MSL2: variants seen among roughly 807,000 people sequenced by gnomAD.
MSL2 encodes E3 ubiquitin-protein ligase MSL2.
A neutral mutation model predicts 35.8 loss-of-function variants in MSL2; 2 were observed. The observed-to-expected ratio is 0.06, with a 90% confidence interval of 0.02 to 0.18. The LOEUF is 0.18. Among genes scored for constraint, MSL2 ranks in the 10% least tolerant of loss-of-function variants. MSL2 has a pLI of 1.00. For missense variants in MSL2, 523 were observed against 706.7 expected (o/e 0.74, Z 2.95); for synonymous variants, 296 against 255.7 (o/e 1.16, Z -1.50).
intron 1 of MSL2, among the ~76,000 whole-genome samples, chr3:136,160,744 C>A (rs965060056): frequency 1.1e-4 from 17 of 150,956 alleles, no homozygotes; most frequent in Non-Finnish European, 2.1e-4. Context: ...GGTAAAATGA[C>A]AATATAATTT....
chr3:136,159,744 C>G (rs1939648099), intron 1 of MSL2, among the ~76,000 whole-genome samples: 1 of 151,908 alleles, frequency 6.6e-6, no homozygotes, highest in Non-Finnish European at 1.5e-5. Flanking sequence ...CAAACTTATA[C>G]CCTTACCTCA....
chr3:136,155,639 G>T, intron 1 of MSL2: 1 of 398,024 alleles, frequency 2.5e-6, no homozygotes. Context: ...AACCTGTGCC[G>T]CCCATGGGGA....
intron 1 of MSL2, among the ~76,000 whole-genome samples, chr3:136,169,001 A>G (rs1333712310): frequency 1.3e-5 from 2 of 152,126 alleles, no homozygotes; most frequent in Non-Finnish European, 2.9e-5. Context: ...GTTGCCAGCC[A>G]TATCACACGG....
chr3:136,160,174 T>C (rs994632484), intron 1 of MSL2, among the ~76,000 whole-genome samples: 8 of 140,138 alleles, frequency 5.7e-5, no homozygotes, highest in African/African-American at 2.1e-4. Flanking sequence ...TACTCAGGAG[T>C]CTGGGGCAGG....
intron 1 of MSL2, among the ~76,000 whole-genome samples, chr3:136,180,783 AGGGAGGGAGGGAG>A (rs1940323693): frequency 2.1e-5 from 1 of 48,178 alleles, no homozygotes; most frequent in Non-Finnish European, 4.0e-5. Flanking sequence ...GGAGGGAGGG[AGGGAGGGAGGGAG>A]GGAGGGAGGG....
At chr3:136,162,289 AGAG>A (rs1247883082) in intron 1 of MSL2, among the ~76,000 whole-genome samples, 182 of 151,186 alleles carry the variant, frequency 1.2e-3, no homozygotes, top group African/African-American at 4.1e-3. Flanking sequence ...AAAAAAAAAA[AGAG>A]GGCTACCAGG....
intron 1 of MSL2, among the ~76,000 whole-genome samples, chr3:136,169,293 C>CAT (rs1039994577): frequency 4.0e-5 from 5 of 125,230 alleles, no homozygotes; most frequent in Non-Finnish European, 6.2e-5. Flanking sequence ...AATTTTTGTG[C>CAT]ATATGTATGG....
At chr3:136,187,246 AATGTT>A (rs1332247186) in intron 1 of MSL2, among the ~76,000 whole-genome samples, 84 of 152,306 alleles carry the variant, frequency 5.5e-4, no homozygotes, top group African/African-American at 1.9e-3. Flanking sequence ...TTCAAATTAA[AATGTT>A]ATGATAACCG....
intron 1 of MSL2, among the ~76,000 whole-genome samples, chr3:136,165,009 G>A (rs1049674645): frequency 6.6e-6 from 1 of 151,962 alleles, no homozygotes; most frequent in Admixed American, 6.6e-5. Context: ...GAGCAGCTGG[G>A]ACCACAGGTG....
At chr3:136,153,601 A>G (rs1939435387) in intron 1 of MSL2, among the ~76,000 whole-genome samples, 1 of 151,672 alleles carries the variant, frequency 6.6e-6, no homozygotes, top group Non-Finnish European at 1.5e-5. Flanking sequence ...CAGCCTGGCC[A>G]ACATGGTAAA....
intron 1 of MSL2, among the ~76,000 whole-genome samples, chr3:136,157,480 C>T (rs1559958258): frequency 6.6e-6 from 1 of 151,974 alleles, no homozygotes; most frequent in Non-Finnish European, 1.5e-5. Flanking sequence ...CCAGCCTGGG[C>T]GACAGAGCCA....
intron 1 of MSL2, among the ~76,000 whole-genome samples, chr3:136,170,218 T>C (rs1455104066): frequency 6.6e-6 from 1 of 150,810 alleles, no homozygotes; most frequent in East Asian, 2.0e-4. Context: ...CTGGGCGTGG[T>C]GGTGCATGCC....
intron 1 of MSL2, among the ~76,000 whole-genome samples, chr3:136,167,692 A>G (rs924406330): frequency 6.6e-6 from 1 of 152,220 alleles, no homozygotes; most frequent in African/African-American, 2.4e-5. Flanking sequence ...TATAATTAAA[A>G]CCATCATGTC....
At chr3:136,175,730 C>T (rs971570363) in intron 1 of MSL2, among the ~76,000 whole-genome samples, 1 of 152,128 alleles carries the variant, frequency 6.6e-6, no homozygotes, top group African/African-American at 2.4e-5. Flanking sequence ...GGAACAATAA[C>T]CGTTTCATAA....
At chr3:136,180,787 AGGGAGGGAGGGAG>A (rs1489720682) in intron 1 of MSL2, among the ~76,000 whole-genome samples, 20 of 61,134 alleles carry the variant, frequency 3.3e-4, no homozygotes, top group East Asian at 2.6e-3. Flanking sequence ...GGAGGGAGGG[AGGGAGGGAGGGAG>A]GGAGGGAGGG....
chr3:136,192,510 G>A (rs1236527308), intron 1 of MSL2, among the ~76,000 whole-genome samples: 1 of 152,064 alleles, frequency 6.6e-6, no homozygotes, highest in Non-Finnish European at 1.5e-5. Flanking sequence ...ACTTCACCAA[G>A]GAGGCAGGGA....
intron 1 of MSL2, among the ~76,000 whole-genome samples, chr3:136,174,531 A>G (rs917157315): frequency 6.6e-6 from 1 of 152,238 alleles, no homozygotes; most frequent in African/African-American, 2.4e-5. Flanking sequence ...AAGAAATAGG[A>G]ACAGGTACTG....
At chr3:136,161,984 C>G (rs1939718928) in intron 1 of MSL2, among the ~76,000 whole-genome samples, 1 of 151,716 alleles carries the variant, frequency 6.6e-6, no homozygotes, top group African/African-American at 2.4e-5. Flanking sequence ...GTCGCCCAGG[C>G]TAGAGCACAG....
chr3:136,156,542 C>G (rs907137930), intron 1 of MSL2, among the ~76,000 whole-genome samples: 15 of 152,162 alleles, frequency 9.9e-5, no homozygotes, highest in African/African-American at 3.6e-4. Context: ...AAAAATTATG[C>G]CTCAATATCC....
Sources: allele counts gnomAD v4.1 joint callset (sites outside exome capture counted in the v4.1 genomes callset), GRCh38; gene constraint gnomAD v4.1.1; transcripts MANE v1.5; gene names NCBI Gene and HGNC (gene_info 2026-07-23, HGNC 2026-07-21).